SESN3: variants seen among roughly 807,000 people sequenced by gnomAD.
SESN3 encodes the protein sestrin-3.
A neutral mutation model predicts 55.3 loss-of-function variants in SESN3; 21 were observed. That is an observed-to-expected ratio of 0.38 (90% CI 0.27 to 0.55). The LOEUF (loss-of-function observed/expected upper bound fraction) is 0.55. SESN3 is among the 20% of genes least tolerant of loss of function. The probability of loss-of-function intolerance (pLI) is 0.76; values close to 1 mark genes in which losing one functional copy is unlikely to be tolerated. For synonymous variants in SESN3, 181 were observed against 203.1 expected (o/e 0.89, Z 0.93); for missense variants, 408 against 604.3 (o/e 0.68, Z 3.41).
At chr11:95,197,569 C>T (rs1860386077) in intron 1 of SESN3, among the ~76,000 whole-genome samples, 1 of 151,900 alleles carries the variant, frequency 6.6e-6, no homozygotes, top group African/African-American at 2.4e-5. Context: ...CTCAGCCTCC[C>T]GAGTTGCTGA....
Position 95,189,946 on chromosome 11 carries a change from G to C in SESN3, c.358C>G (p.Gln120Glu). The C allele has an allele frequency of 1.9e-6, 3 of 1,603,992 alleles. No individual in the cohort carries two copies. The highest frequency in any genetic ancestry group is 2.6e-6 in the Non-Finnish European group (3 of 1,175,754). The change falls in exon 4 of 10, where the codon CAG becomes GAG. Residue 120 changes from glutamine to glutamate, a missense_variant. Physicochemically the swap from Gln to Glu is conservative, Grantham distance 29. This residue lies in a region of SESN3 where 107 missense variants were observed against 211.3 expected (regional missense o/e 0.51). Transcript: ENST00000536441. ...YIAIMAAARH[Q>E]CSYLINMHVD... The stretch of plus-strand genomic sequence containing the variant: ...TGCATGTTTATTAAGTAAGAACACT[G>C]ATGTCTAGCTGCAGCCTAAAGCACA...
chr11:95,188,436 A>G (rs1860206872), intron 4 of SESN3, among the ~76,000 whole-genome samples: 1 of 151,778 alleles, frequency 6.6e-6, no homozygotes, highest in African/African-American at 2.4e-5. Flanking sequence ...GTACCATAAC[A>G]TAACCCTGAA....
rs755370874 is a variant in SESN3 at position 95,185,376 on chromosome 11, T to C, written c.642A>G (p.Pro214=). ...CATTGGAGATTTCTGGATCTCTCTC[T>C]GGATTGATACCACTACCAAAAACAA... ...ASFVFGSGIN[P]ERDPEISNGF... Residue 214 remains proline, a synonymous_variant, in exon 5 of 10, where the codon CCA becomes CCG. Coordinates refer to ENST00000536441, the MANE Select transcript of SESN3 (RefSeq NM_144665.4). The C allele has an allele frequency of 1.9e-6, 3 of 1,613,236 alleles. No homozygotes were observed. The highest frequency in any genetic ancestry group is 3.3e-5 in the Admixed American group (2 of 59,940).
In SESN3 at chr11:95,167,572, C is replaced by T. The variant is rs1187856589; in HGVS notation, c.*5683G>A. 7.1e-6 allele frequency: 1 copy of T among 141,106 alleles called. No homozygotes were observed. The highest frequency in any genetic ancestry group is 1.6e-5 in the Non-Finnish European group (1 of 63,484). 8.7% of individuals were successfully genotyped at this position (141,106 alleles called of 1,614,324 possible). A position where few individuals can be genotyped will look rare whatever the true frequency, so the allele number is the denominator to read the frequency against. ...TCATGGCATATAATTTAATACAAAC[C>T]GCCTCATTCAGTCTCCATTATTAAG... On this transcript the variant is annotated 3_prime_UTR_variant, in exon 10 of 10. Coordinates refer to ENST00000536441, the MANE Select transcript of SESN3 (RefSeq NM_144665.4).
intron 1 of SESN3, among the ~76,000 whole-genome samples, chr11:95,229,213 T>C (rs1410114392): frequency 1.3e-5 from 2 of 152,334 alleles, no homozygotes; most frequent in Non-Finnish European, 2.9e-5. Flanking sequence ...TAAATTTTTT[T>C]GAAAGCTAAG....
Position 95,170,509 on chromosome 11 carries a change from A to T in SESN3, c.*2746T>A, listed in dbSNP as rs1050575998. 17 of 151,952 alleles carry T rather than the reference A, an allele frequency of 1.1e-4. No homozygotes were observed. Among genetic ancestry groups the T allele is most frequent in the African/African-American group, 3.9e-4 (16 of 41,364 alleles). The allele number at this position is 151,952 out of a possible 1,614,324, so 9.4% of individuals were successfully genotyped here. A position where few individuals can be genotyped will look rare whatever the true frequency, so the allele number is the denominator to read the frequency against. On this transcript the variant is annotated 3_prime_UTR_variant, in exon 10 of 10. Transcript: ENST00000536441. ...CAGCATATTGCATAATCACGTCATT[A>T]TACCAATTGAACCAGATATCTCTTT...
chr11:95,182,932 G>T (rs1215979549), intron 6 of SESN3, among the ~76,000 whole-genome samples: 1 of 152,000 alleles, frequency 6.6e-6, no homozygotes, highest in African/African-American at 2.4e-5. Flanking sequence ...CACTCAACTG[G>T]GTTAAGATTT....
intron 2 of SESN3, among the ~76,000 whole-genome samples, chr11:95,192,723 G>T (rs528833944): frequency 2.6e-5 from 4 of 152,222 alleles, no homozygotes; most frequent in East Asian, 3.9e-4. Flanking sequence ...GTGAGGAAAT[G>T]TTAACTACAA....
intron 1 of SESN3, among the ~76,000 whole-genome samples, chr11:95,197,771 A>G (rs1246372443): frequency 6.6e-6 from 1 of 152,124 alleles, no homozygotes; most frequent in Admixed American, 6.6e-5. Context: ...TATTGTAGGG[A>G]AGACGATGGA....
chr11:95,196,193 G>T (rs1003186023), intron 1 of SESN3, among the ~76,000 whole-genome samples: 1 of 152,022 alleles, frequency 6.6e-6, no homozygotes, highest in African/African-American at 2.4e-5. Context: ...TGCCATTTTT[G>T]AAATGATCAG....
intron 1 of SESN3, among the ~76,000 whole-genome samples, chr11:95,204,482 C>A (rs1214059829): frequency 6.6e-6 from 1 of 150,522 alleles, no homozygotes; most frequent in South Asian, 2.1e-4. Flanking sequence ...ATGTTCCTGT[C>A]CCCCCCCTCA....
At chr11:95,177,579 A>G (rs1436140546) in intron 8 of SESN3, 140 bp downstream of exon 8, 5 of 575,110 alleles carry the variant, frequency 8.7e-6, no homozygotes, top group African/African-American at 2.0e-5. Flanking sequence ...TCTCCATAAA[A>G]TGAAATTAAT....
chr11:95,212,676 C>T (rs1281984706), intron 1 of SESN3, among the ~76,000 whole-genome samples: 1 of 152,062 alleles, frequency 6.6e-6, no homozygotes, highest in South Asian at 2.1e-4. Context: ...ACATCAGATT[C>T]CTAAAGAGAA....
In SESN3 at chr11:95,231,199, G is replaced by C. The variant is rs1261901474; in HGVS notation, c.-339C>G. Reference sequence around the variant, plus strand: ...CCACCACCGCCGCCGCAGCGCCTCAGTGCGGCCCCGCCTCCGCCGCCCCAC... The same window carrying C: ...CCACCACCGCCGCCGCAGCGCCTCACTGCGGCCCCGCCTCCGCCGCCCCAC... On this transcript the variant is annotated 5_prime_UTR_variant, in exon 1 of 10. Coordinates refer to ENST00000536441, the MANE Select transcript of SESN3 (RefSeq NM_144665.4). The C allele has an allele frequency of 4.6e-5, 17 of 370,058 alleles. No homozygotes were observed. In the Admixed American group the frequency reaches 5.8e-4, roughly 13 times the overall value. 22.9% of individuals were successfully genotyped at this position (370,058 alleles called of 1,614,324 possible).
At chr11:95,208,354 G>C (rs1334819172) in intron 1 of SESN3, among the ~76,000 whole-genome samples, 1 of 151,390 alleles carries the variant, frequency 6.6e-6, no homozygotes, top group Non-Finnish European at 1.5e-5. Context: ...CTGTTTTGTA[G>C]AGAGTTCATA....
At position 95,185,479 on chromosome 11, in the gene SESN3, G is replaced by C; in HGVS notation, c.539C>G (p.Thr180Ser). 6.2e-7 allele frequency: 1 copy of C among 1,606,218 alleles called. No homozygotes were observed. Among genetic ancestry groups the C allele is most frequent in the Non-Finnish European group, 8.5e-7 (1 of 1,173,698 alleles). ...TKEHIQKLVK[T>S]GENNWSLPEL... is the part of the protein sequence containing the mutation. ...AGGCAGAGACCAATTATTTTCTCCA[G>C]TTTTGACAAGTTTCTGAAATAAGAA... The change falls in exon 5 of 10, where the codon ACT (threonine) becomes AGT (serine). Residue 180 changes from threonine (T) to serine (S), a missense_variant. Thr to Ser is a moderately conservative substitution (Grantham distance 58). Around this residue, in one of 4 missense-constraint regions of SESN3, gnomAD observed 107 missense variants for 211.3 expected, o/e 0.51. Coordinates refer to ENST00000536441, the MANE Select transcript of SESN3 (RefSeq NM_144665.4).
At chr11:95,178,086 C>G (rs1859991674) in intron 7 of SESN3, among the ~76,000 whole-genome samples, 177 bp from the exon 8 acceptor site, 1 of 152,134 alleles carries the variant, frequency 6.6e-6, no homozygotes, top group Non-Finnish European at 1.5e-5. Flanking sequence ...ATCAGAGTGT[C>G]TGGATGTTTC....
Position 95,207,893 on chromosome 11 carries a change from C to G in SESN3, c.79-14371G>C, listed in dbSNP as rs564944198. On this transcript the variant is annotated intron_variant, in intron 1 of 9. Transcript: ENST00000536441. ...TTCATCATGTTGCCCAGGCTGGTCT[C>G]GAACTCAAGAGTTCAAGTGATCCAC... Among the ~76,000 whole-genome samples, 360 of 150,926 alleles carry G rather than the reference C, an allele frequency of 2.4e-3. 8 individuals are homozygous for G. The highest frequency in any genetic ancestry group is 4.0e-3 in the Non-Finnish European group (270 of 67,704).
chr11:95,181,427 T>C (rs948196107), intron 6 of SESN3, among the ~76,000 whole-genome samples: 6 of 152,108 alleles, frequency 3.9e-5, no homozygotes, highest in Admixed American at 6.5e-5. Context: ...TAAATTTATC[T>C]TAAGAAGTTA....
Sources: gnomAD v4.1 joint callset for allele counts (sites outside exome capture counted in the v4.1 genomes callset) on GRCh38, gnomAD v4.1.1 for gene constraint, gnomAD v4.1.1 regional missense constraint, MANE v1.5 for transcripts, NCBI Gene and HGNC (gene_info 2026-07-23, HGNC 2026-07-21) for gene names.